Variants in CDH13 observed in about 807,000 individuals in gnomAD.
The protein encoded by CDH13 is cadherin-13.
In CDH13, 24 loss-of-function variants were observed where a neutral mutation model predicts 63.8. That is an observed-to-expected ratio of 0.38 (90% confidence interval 0.27 to 0.53). The LOEUF is 0.53. CDH13 is among the 20% of genes least tolerant of loss of function. CDH13 has a pLI of 0.85. For missense variants in CDH13, 1,049 were observed against 903.1 expected, an observed-to-expected ratio of 1.16 and a Z score of -2.07; for synonymous variants, 503 against 355.3, an observed-to-expected ratio of 1.42 and a Z score of -4.67.
At chr16:83,253,619 T>C (rs1269264558) in intron 5 of CDH13, among the ~76,000 whole-genome samples, 1 of 152,180 alleles carries the variant, frequency 6.6e-6, no homozygotes, top group Non-Finnish European at 1.5e-5. Context: ...CTGGTTGCCC[T>C]CCAGGTGTCA....
At chr16:83,327,260 T>C (rs941512183) in intron 5 of CDH13, among the ~76,000 whole-genome samples, 4 of 152,224 alleles carry the variant, frequency 2.6e-5, no homozygotes, top group Admixed American at 6.5e-5. Context: ...CCATGTAAAA[T>C]ATTTTTGCAC....
chr16:82,777,805 C>T (rs1204001219), intron 1 of CDH13, among the ~76,000 whole-genome samples: 1 of 152,118 alleles, frequency 6.6e-6, no homozygotes, highest in African/African-American at 2.4e-5. Context: ...CTTTTTCAGG[C>T]TGCTGGACTG....
chr16:83,615,279 G>A (rs1201999550), intron 8 of CDH13, among the ~76,000 whole-genome samples: 2 of 152,028 alleles, frequency 1.3e-5, no homozygotes, highest in Non-Finnish European at 2.9e-5. Context: ...CCCCGACCAC[G>A]TAATTACACA....
In CDH13 at chr16:83,128,055, A is replaced by G. The variant is rs147824623; in HGVS notation, c.483+2554A>G. On this transcript the variant is annotated intron_variant, in intron 4 of 13. Coordinates refer to ENST00000567109, the MANE Select transcript of CDH13 (RefSeq NM_001257.5). ...TCCCAAACAGTTTCTGAGACTCAAG[A>G]TGCATTCTCGTTTTTCAGTTTTCTT... is the stretch of plus-strand genomic sequence containing the variant. Among the ~76,000 whole-genome samples the G allele has an allele frequency of 4.2e-3, 645 of 152,248 alleles. 7 individuals are homozygous for G. Among genetic ancestry groups the G allele is most frequent in the African/African-American group, 0.015 (611 of 41,542 alleles).
intron 4 of CDH13, among the ~76,000 whole-genome samples, chr16:83,183,370 A>G (rs1013683402): frequency 6.6e-6 from 1 of 152,222 alleles, no homozygotes. Flanking sequence ...TCTTCTTGCT[A>G]TGACCTTCCA....
At chr16:83,414,872 C>T (rs925261036) in intron 6 of CDH13, among the ~76,000 whole-genome samples, 2 of 152,044 alleles carry the variant, frequency 1.3e-5, no homozygotes, top group South Asian at 2.1e-4. Flanking sequence ...CTGCAGTGAA[C>T]GTGGTAGCTC....
intron 3 of CDH13, among the ~76,000 whole-genome samples, chr16:83,035,600 G>C (rs1172010598): frequency 6.6e-6 from 1 of 152,156 alleles, no homozygotes; most frequent in Non-Finnish European, 1.5e-5. Context: ...TGAGACTTGA[G>C]CCTGGGCAGC....
chr16:82,738,127 A>G (rs2033768205), intron 1 of CDH13, among the ~76,000 whole-genome samples: 1 of 152,236 alleles, frequency 6.6e-6, no homozygotes, highest in Non-Finnish European at 1.5e-5. Flanking sequence ...GTTTCATGAC[A>G]GTCTGTCCTC....
At chr16:82,932,863 A>G (rs1016553727) in intron 2 of CDH13, among the ~76,000 whole-genome samples, 2 of 152,192 alleles carry the variant, frequency 1.3e-5, no homozygotes, top group African/African-American at 4.8e-5. Flanking sequence ...ATTCTAAACA[A>G]TGAACTTTAC....
intron 4 of CDH13, among the ~76,000 whole-genome samples, chr16:83,192,411 C>T (rs1450249782): frequency 6.6e-6 from 1 of 152,172 alleles, no homozygotes; most frequent in Non-Finnish European, 1.5e-5. Context: ...CTTTGGAAGA[C>T]TTGCTCAGAA....
At chr16:83,504,569 G>A (rs565230694) in intron 7 of CDH13, among the ~76,000 whole-genome samples, 25 of 152,122 alleles carry the variant, frequency 1.6e-4, no homozygotes, top group Non-Finnish European at 3.7e-4. Context: ...TGGACTCCAC[G>A]TTTTGGGATT....
At chr16:82,706,007 C>A (rs2031457364) in intron 1 of CDH13, among the ~76,000 whole-genome samples, 1 of 152,190 alleles carries the variant, frequency 6.6e-6, no homozygotes, top group African/African-American at 2.4e-5. Context: ...CCCCTCCTGT[C>A]CTCTCTCCCA....
intron 1 of CDH13, among the ~76,000 whole-genome samples, chr16:82,857,424 G>T (rs1006323894): frequency 2.0e-5 from 3 of 152,152 alleles, no homozygotes; most frequent in Non-Finnish European, 4.4e-5. Flanking sequence ...GTTGGTTGTT[G>T]GGGGGAGGTA....
rs1454439759 is a variant in CDH13 at position 83,798,870 on chromosome 16, A to G, written c.*3840A>G. 1 of 74,450 alleles carries G rather than the reference A, an allele frequency of 1.3e-5. No homozygotes were observed. The highest frequency in any genetic ancestry group is 3.2e-5 in the Non-Finnish European group (1 of 30,954). The allele number at this position is 74,450 out of a possible 1,614,324, so 4.6% of individuals were successfully genotyped here. ...TCTTCAATCTGAAAGCTTTCTGTTA[A>G]AAAAAAAAATGTTAACATCGTTCTA... is the stretch of plus-strand genomic sequence containing the variant. On this transcript the variant is annotated 3_prime_UTR_variant, in exon 14 of 14. Coordinates refer to ENST00000567109, the MANE Select transcript of CDH13 (RefSeq NM_001257.5).
At chr16:82,888,840 T>G (rs1227362063) in intron 2 of CDH13, among the ~76,000 whole-genome samples, 3 of 152,204 alleles carry the variant, frequency 2.0e-5, no homozygotes, top group Non-Finnish European at 4.4e-5. Flanking sequence ...TGCAATTGTT[T>G]TCTATAGTCT....
At chr16:83,234,510 C>G (rs2040090206) in intron 5 of CDH13, among the ~76,000 whole-genome samples, 1 of 152,118 alleles carries the variant, frequency 6.6e-6, no homozygotes, top group South Asian at 2.1e-4. Context: ...CTAGGCAGCT[C>G]CAAGTCCAGA....
At chr16:82,981,911 C>T (rs1377219535) in intron 2 of CDH13, among the ~76,000 whole-genome samples, 1 of 152,166 alleles carries the variant, frequency 6.6e-6, no homozygotes, top group African/African-American at 2.4e-5. Flanking sequence ...CTTTCCTACC[C>T]CAGCCTTGAA....
chr16:83,746,085 C>A (rs1406356760), intron 10 of CDH13, among the ~76,000 whole-genome samples: 1 of 152,198 alleles, frequency 6.6e-6, no homozygotes, highest in Admixed American at 6.5e-5. Context: ...ATTATACCTA[C>A]TATAATAAAT....
intron 4 of CDH13, among the ~76,000 whole-genome samples, chr16:83,181,294 G>C (rs75118190): frequency 0.013 from 1,993 of 152,312 alleles, 34 homozygotes; most frequent in African/African-American, 0.045. Flanking sequence ...TTTGTTCACA[G>C]AATCAAGCGA....
Sources: allele counts gnomAD v4.1 joint callset (sites outside exome capture counted in the v4.1 genomes callset), GRCh38; gene constraint gnomAD v4.1.1; transcripts MANE v1.5; gene names NCBI Gene and HGNC (gene_info 2026-07-23, HGNC 2026-07-21).